Variants in SLC17A6 observed in about 807,000 individuals in gnomAD.
SLC17A6 encodes solute carrier family 17 member 6, also known as vesicular glutamate transporter 2.
SLC17A6 carries 35 observed loss-of-function variants against 67.1 expected under a neutral mutation model. The ratio of observed to expected loss-of-function variants is 0.52; its 90% CI spans 0.40 to 0.69. The LOEUF (loss-of-function observed/expected upper bound fraction) is 0.69, where lower values mean the gene tolerates loss of function less well. Ranked by LOEUF, SLC17A6 falls within the 30% of genes least tolerant of loss-of-function variation. The pLI, the probability that SLC17A6 is intolerant of heterozygous loss-of-function variation, is 0.00. For synonymous variants in SLC17A6, 285 were observed against 252.3 expected (o/e 1.13, Z -1.23); for missense variants, 588 against 723.9 (o/e 0.81, Z 2.15).
chr11:22,375,846 GATT>G, intron 9 of SLC17A6, 133 bp from the exon 10 acceptor site: 1 of 544,098 alleles, frequency 1.8e-6, no homozygotes, highest in Non-Finnish European at 3.3e-6. Flanking sequence ...TGATTATTAT[GATT>G]ATTATTAGTT....
chr11:22,358,622 C>T (rs1856016289), intron 3 of SLC17A6, among the ~76,000 whole-genome samples: 1 of 152,196 alleles, frequency 6.6e-6, no homozygotes, highest in African/African-American at 2.4e-5. Context: ...GAGTGAGCCA[C>T]TGCACCCGAC....
At chr11:22,355,399 C>T (rs148740862) in intron 3 of SLC17A6, among the ~76,000 whole-genome samples, 152 of 152,268 alleles carry the variant, frequency 1.0e-3, no homozygotes, top group African/African-American at 3.5e-3. Context: ...CCCTCTTCTA[C>T]CATTAGTGAC....
intron 1 of SLC17A6, among the ~76,000 whole-genome samples, chr11:22,339,374 T>A (rs1468352358): frequency 1.3e-5 from 2 of 151,648 alleles, no homozygotes; most frequent in Non-Finnish European, 2.9e-5. Flanking sequence ...CATTTTTAAT[T>A]ATTTTCATCT....
intron 3 of SLC17A6, among the ~76,000 whole-genome samples, chr11:22,345,313 A>C (rs1855864766): frequency 1.4e-5 from 2 of 146,094 alleles, no homozygotes; most frequent in Admixed American, 6.9e-5. Flanking sequence ...TTTACTCAAA[A>C]GATTTTTTTT....
intron 7 of SLC17A6, among the ~76,000 whole-genome samples, chr11:22,368,152 T>C (rs1488216690): frequency 6.6e-6 from 1 of 152,110 alleles, no homozygotes; most frequent in Non-Finnish European, 1.5e-5. Flanking sequence ...TCTCCCTCAC[T>C]ATCTCAGTAC....
At chr11:22,342,297 G>T (rs1855824116) in intron 2 of SLC17A6, among the ~76,000 whole-genome samples, 1 of 152,112 alleles carries the variant, frequency 6.6e-6, no homozygotes, top group Admixed American at 6.5e-5. Flanking sequence ...TCCCAGGGTG[G>T]CAGGGAGTCG....
At chr11:22,355,507 A>G (rs956504448) in intron 3 of SLC17A6, among the ~76,000 whole-genome samples, 4 of 151,936 alleles carry the variant, frequency 2.6e-5, no homozygotes, top group African/African-American at 9.7e-5. Context: ...TCTCTCCTCA[A>G]TCCCACTAAG....
chr11:22,359,365 A>T, intron 3 of SLC17A6, 48 bp from the exon 4 acceptor site: 1 of 1,198,184 alleles, frequency 8.3e-7, no homozygotes, highest in South Asian at 1.7e-5. Flanking sequence ...ATATGTATAT[A>T]TAAGATGCTG....
chr11:22,353,300 T>C (rs1007131582), intron 3 of SLC17A6, among the ~76,000 whole-genome samples: 1 of 152,224 alleles, frequency 6.6e-6, no homozygotes, highest in Non-Finnish European at 1.5e-5. Context: ...CCCAAAGTCA[T>C]ACTTAGCAAG....
intron 5 of SLC17A6, 134 bp downstream of exon 5, chr11:22,361,118 T>A (rs1856047611): frequency 3.3e-6 from 2 of 597,578 alleles, no homozygotes; most frequent in Non-Finnish European, 5.9e-6. Flanking sequence ...GTAAGGTTTT[T>A]GACCACCATT....
At chr11:22,349,899 G>A (rs1263819700) in intron 3 of SLC17A6, among the ~76,000 whole-genome samples, 1 of 152,104 alleles carries the variant, frequency 6.6e-6, no homozygotes, top group Non-Finnish European at 1.5e-5. Flanking sequence ...AGACCCTCCA[G>A]GAAAGAATTA....
At chr11:22,346,850 T>C (rs577111561) in intron 3 of SLC17A6, among the ~76,000 whole-genome samples, 144 of 148,512 alleles carry the variant, frequency 9.7e-4, no homozygotes, top group African/African-American at 3.4e-3. Flanking sequence ...ATATAAAATA[T>C]ATAAATATAC....
At chr11:22,349,513 C>A (rs1855914375) in intron 3 of SLC17A6, among the ~76,000 whole-genome samples, 1 of 152,202 alleles carries the variant, frequency 6.6e-6, no homozygotes, top group Non-Finnish European at 1.5e-5. Flanking sequence ...TTCTCTAGCT[C>A]TCTTTTCATT....
chr11:22,359,274 T>C (rs1488609800), intron 3 of SLC17A6, 139 bp from the exon 4 acceptor site: 1 of 439,136 alleles, frequency 2.3e-6, no homozygotes, highest in African/African-American at 2.0e-5. Flanking sequence ...CCAGAACATA[T>C]ATTAGAAAAA....
At chr11:22,349,098 A>G (rs2133862669) in intron 3 of SLC17A6, among the ~76,000 whole-genome samples, 1 of 152,204 alleles carries the variant, frequency 6.6e-6, no homozygotes, top group South Asian at 2.1e-4. Flanking sequence ...TCTATGTAAT[A>G]TTTTTTCCTC....
chr11:22,350,290 T>C (rs1248033959), intron 3 of SLC17A6, among the ~76,000 whole-genome samples: 1 of 152,194 alleles, frequency 6.6e-6, no homozygotes, highest in African/African-American at 2.4e-5. Context: ...CTTCCTGCCA[T>C]TTAAGAACAT....
At chr11:22,365,289 T>A (rs1433391866) in intron 6 of SLC17A6, among the ~76,000 whole-genome samples, 4 of 152,172 alleles carry the variant, frequency 2.6e-5, no homozygotes, top group Non-Finnish European at 1.5e-5. Flanking sequence ...AACTACACCA[T>A]TCTAATAATT....
At chr11:22,369,415 C>T (rs1480341861) in intron 7 of SLC17A6, among the ~76,000 whole-genome samples, 1 of 151,906 alleles carries the variant, frequency 6.6e-6, no homozygotes, top group Non-Finnish European at 1.5e-5. Flanking sequence ...AATGCTTTCA[C>T]CCAGCTGTTC....
At chr11:22,372,954 A>G (rs1856191270) in intron 8 of SLC17A6, among the ~76,000 whole-genome samples, 1 of 152,176 alleles carries the variant, frequency 6.6e-6, no homozygotes, top group South Asian at 2.1e-4. Flanking sequence ...GTATATCCAC[A>G]TATTAAGAAA....
Sources: gnomAD v4.1 joint callset for allele counts (sites outside exome capture counted in the v4.1 genomes callset) on GRCh38, gnomAD v4.1.1 for gene constraint, MANE v1.5 for transcripts, NCBI Gene and HGNC (gene_info 2026-07-23, HGNC 2026-07-21) for gene names.